Variants in CD6 observed in about 807,000 individuals in gnomAD.
The protein encoded by CD6 is T-cell differentiation antigen CD6.
CD6 carries 53 observed loss-of-function variants against 75.3 expected under a neutral mutation model. The observed-to-expected ratio is 0.70, with a 90% CI of 0.56 to 0.88. The LOEUF (loss-of-function observed/expected upper bound fraction) is 0.88, where lower values mean the gene tolerates loss of function less well. Among genes scored for constraint, CD6 ranks in the 40% least tolerant of loss-of-function variants. The pLI is 0.00. For synonymous variants in CD6, 359 were observed against 381.5 expected (o/e 0.94, Z 0.69); for missense variants, 770 against 897.1 (o/e 0.86, Z 1.81).
In CD6 at chr11:61,000,566, G is replaced by A. The variant is rs573988130; in HGVS notation, c.50-6008G>A. Among the ~76,000 whole-genome samples, 26 of 152,306 alleles carry A rather than the reference G, an allele frequency of 1.7e-4. No individual in the cohort carries two copies. The East Asian group carries it at 4.8e-3, about 28-fold the overall frequency. On this transcript the variant is annotated intron_variant, in intron 1 of 12. Transcript: ENST00000313421. ...TGACCTGACACTGGTCACTGGGCAC[G>A]GCCAGGGCGGCATTCTGGGGAGTGC...
chr11:61,015,729 C>T lies in CD6; in HGVS notation c.1404C>T (p.Ile468=). 6.2e-7 allele frequency: 1 copy of T among 1,614,210 alleles called. No individual in the cohort carries two copies. Among genetic ancestry groups the T allele is most frequent in the Non-Finnish European group, 8.5e-7 (1 of 1,180,026 alleles). ...TCTCCCCAGTTTTCATGCTGCCCAT[C>T]CAGGTCCAGGCCCCGCCCCCTGAGG... is the stretch of plus-strand genomic sequence containing the variant. ...TIPKEVFMLP[I]QVQAPPPEDS... is the part of the protein sequence containing the mutation. The change falls in exon 9 of 13, where the codon ATC becomes ATT. Residue 468 remains isoleucine (I), a synonymous_variant. Transcript: ENST00000313421.
At chr11:61,014,969 T>C (rs1859334687) in intron 8 of CD6, among the ~76,000 whole-genome samples, 1 of 152,086 alleles carries the variant, frequency 6.6e-6, no homozygotes, top group African/African-American at 2.4e-5. Context: ...GCATCTAGCA[T>C]AAGGCTTAGC....
At chr11:60,986,888 G>A (rs1405542833) in intron 1 of CD6, among the ~76,000 whole-genome samples, 1 of 152,192 alleles carries the variant, frequency 6.6e-6, no homozygotes, top group African/African-American at 2.4e-5. Context: ...TGCACTTTGG[G>A]AGGCTGAGGC....
chr11:60,974,813 G>A (rs1857307903), intron 1 of CD6, among the ~76,000 whole-genome samples: 2 of 152,150 alleles, frequency 1.3e-5, no homozygotes, highest in Admixed American at 1.3e-4. Flanking sequence ...ACCATTGACT[G>A]TGCTTCTTTT....
chr11:60,997,580 C>T (rs1858366166), intron 1 of CD6, among the ~76,000 whole-genome samples: 1 of 151,932 alleles, frequency 6.6e-6, no homozygotes, highest in Admixed American at 6.6e-5. Flanking sequence ...TTTATTCTTA[C>T]CAAGTCTTTG....
chr11:61,008,932 A>G, intron 4 of CD6, 87 bp downstream of exon 4: 1 of 1,169,910 alleles, frequency 8.5e-7, no homozygotes, highest in South Asian at 1.8e-5. Flanking sequence ...AGTGCCGGAG[A>G]GGTGGTCCCT....
chr11:60,974,930 G>T (rs1039343660), intron 1 of CD6, among the ~76,000 whole-genome samples: 2 of 152,182 alleles, frequency 1.3e-5, no homozygotes, highest in African/African-American at 4.8e-5. Flanking sequence ...CAAAGCCCCA[G>T]GCCTTTCCCG....
At chr11:60,986,220 A>G (rs1358511630) in intron 1 of CD6, among the ~76,000 whole-genome samples, 1 of 152,268 alleles carries the variant, frequency 6.6e-6, no homozygotes, top group East Asian at 1.9e-4. Flanking sequence ...AAAGAGAGAA[A>G]AGAAGTCTCA....
In CD6 at chr11:61,019,478, T is replaced by A; in HGVS notation, c.*160T>A. On this transcript the variant is annotated 3_prime_UTR_variant, in exon 13 of 13. Coordinates refer to ENST00000313421, the MANE Select transcript of CD6 (RefSeq NM_006725.5). ...AAACGTTATACCTTGTACCCCTCGG[T>A]CTCCATCCATCAAGCCAAACCTGCT... 1 of 501,306 alleles carries A rather than the reference T, an allele frequency of 2.0e-6. No homozygotes were observed. The highest frequency in any genetic ancestry group is 3.4e-6 in the Non-Finnish European group (1 of 291,692). 31.1% of individuals were successfully genotyped at this position (501,306 alleles called of 1,614,324 possible). A position where few individuals can be genotyped will look rare whatever the true frequency, so the allele number is the denominator to read the frequency against.
At chr11:61,015,931 C>T (rs1859383921) in intron 9 of CD6, 96 bp downstream of exon 9, 2 of 1,425,972 alleles carry the variant, frequency 1.4e-6, no homozygotes, top group Non-Finnish European at 1.9e-6. Context: ...CTAGTAACCC[C>T]TGCATGATGC....
In CD6 at chr11:61,017,824, C is replaced by T; in HGVS notation, c.1648C>T (p.Pro550Ser). Residue 550 changes from proline to serine, a missense_variant, in exon 11 of 13, where the codon CCA becomes TCA. Pro to Ser is a moderately conservative substitution (Grantham distance 74, BLOSUM62 -1). Transcript: ENST00000313421. ...ANPGHCITDP[P>S]SLGPQYHPRS... ...CCCTGGACACTGCATTACAGACCCG[C>T]CATCCCTGGGCCCTCAGTATCACCC... The T allele has an allele frequency of 1.9e-6, 3 of 1,614,146 alleles. No individual in the cohort carries two copies. Among genetic ancestry groups the T allele is most frequent in the Non-Finnish European group, 2.5e-6 (3 of 1,180,014 alleles).
At chr11:60,972,338 A>G (rs1463360653) in intron 1 of CD6, among the ~76,000 whole-genome samples, 27 of 152,242 alleles carry the variant, frequency 1.8e-4, no homozygotes, top group Admixed American at 1.8e-3. Context: ...CAGCAGGCGT[A>G]GGCCAATCAC....
At chr11:61,016,803 G>A (rs3019558) in intron 9 of CD6, 53,495 of 152,190 alleles carry the variant, frequency 0.35, 10,124 homozygotes, top group East Asian at 0.66. Flanking sequence ...TCCCTGCCCC[G>A]CCTGCTAACC....
At chr11:60,978,925 T>C (rs1028442522) in intron 1 of CD6, among the ~76,000 whole-genome samples, 5 of 152,206 alleles carry the variant, frequency 3.3e-5, no homozygotes, top group African/African-American at 1.2e-4. Context: ...AGCTTATAAA[T>C]GCTCTACAGC....
At chr11:60,978,289 G>A (rs531033315) in intron 1 of CD6, among the ~76,000 whole-genome samples, 13 of 152,276 alleles carry the variant, frequency 8.5e-5, no homozygotes, top group Admixed American at 6.5e-4. Flanking sequence ...CTGGGGTTAC[G>A]TCCTACACAT....
At chr11:61,013,741 C>A (rs749488595) in intron 7 of CD6, among the ~76,000 whole-genome samples, 178 bp downstream of exon 7, 52 of 152,070 alleles carry the variant, frequency 3.4e-4, no homozygotes, top group Admixed American at 8.5e-4. Context: ...GCGGGGAGAA[C>A]CAGACTGTGC....
chr11:60,971,980 C>T (rs1475549659), intron 1 of CD6, 66 bp downstream of exon 1: 29 of 1,516,888 alleles, frequency 1.9e-5, no homozygotes, highest in Non-Finnish European at 2.6e-5. Context: ...CTCTCAGTCC[C>T]CTTTCTGGTT....
chr11:61,005,730 G>A (rs563028186), intron 1 of CD6, among the ~76,000 whole-genome samples: 15 of 152,254 alleles, frequency 9.9e-5, no homozygotes, highest in African/African-American at 3.4e-4. Flanking sequence ...TCAGGAGTTC[G>A]AGACCAGCCT....
intron 6 of CD6, among the ~76,000 whole-genome samples, chr11:61,012,366 T>C (rs1204817913): frequency 6.6e-6 from 1 of 152,162 alleles, no homozygotes; most frequent in Non-Finnish European, 1.5e-5. Context: ...CGGCCCTCTG[T>C]ACCCACATTC....
Sources: allele counts gnomAD v4.1 joint callset (sites outside exome capture counted in the v4.1 genomes callset), GRCh38; gene constraint gnomAD v4.1.1; transcripts MANE v1.5; gene names NCBI Gene and HGNC (gene_info 2026-07-23, HGNC 2026-07-21).